Variants in TAFA1 observed in about 807,000 individuals in gnomAD.
TAFA1 encodes TAFA chemokine like family member 1.
Under a neutral mutation model 18.5 loss-of-function variants are expected in TAFA1, and 4 were observed. The ratio of observed to expected loss-of-function variants is 0.22; its 90% CI spans 0.11 to 0.49. TAFA1 has a LOEUF of 0.49. Among genes scored for constraint, TAFA1 ranks in the 20% least tolerant of loss-of-function variants. The pLI is 0.98. For synonymous variants in TAFA1, 56 were observed against 55.2 expected, an observed-to-expected ratio of 1.01 and a Z score of -0.06; for missense variants, 147 against 169.0, an observed-to-expected ratio of 0.87 and a Z score of 0.72.
intron 3 of TAFA1, among the ~76,000 whole-genome samples, chr3:68,526,939 C>G (rs1322116509): frequency 1.3e-5 from 2 of 152,066 alleles, no homozygotes; most frequent in Admixed American, 1.3e-4. Flanking sequence ...TTGCAAATTA[C>G]TATCCACTGT....
chr3:68,038,766 T>C (rs1160724484), intron 2 of TAFA1, among the ~76,000 whole-genome samples: 1 of 152,178 alleles, frequency 6.6e-6, no homozygotes, highest in Non-Finnish European at 1.5e-5. Context: ...CCTAGTTTCT[T>C]AGAGATGTTT....
intron 3 of TAFA1, among the ~76,000 whole-genome samples, chr3:68,501,261 T>C (rs1217381054): frequency 6.6e-6 from 1 of 152,020 alleles, no homozygotes; most frequent in Non-Finnish European, 1.5e-5. Context: ...CATCTTTTGC[T>C]GACTCTATTG....
intron 2 of TAFA1, among the ~76,000 whole-genome samples, chr3:68,295,628 A>G (rs1412140454): frequency 6.6e-6 from 1 of 152,082 alleles, no homozygotes; most frequent in Non-Finnish European, 1.5e-5. Flanking sequence ...CTTTTTTGAG[A>G]CAGGGTCTTT....
chr3:68,066,276 T>G (rs1046583870), intron 2 of TAFA1, among the ~76,000 whole-genome samples: 9 of 152,222 alleles, frequency 5.9e-5, no homozygotes, highest in Admixed American at 5.2e-4. Context: ...CTCTTTTTTT[T>G]GCCAACAAAG....
chr3:68,471,569 C>T (rs1284777114), intron 3 of TAFA1, among the ~76,000 whole-genome samples: 3 of 152,154 alleles, frequency 2.0e-5, no homozygotes, highest in African/African-American at 4.8e-5. Context: ...GGGCAAGAAG[C>T]ATCCAGCATG....
chr3:68,275,708 G>A (rs2067782913), intron 2 of TAFA1, among the ~76,000 whole-genome samples: 2 of 152,086 alleles, frequency 1.3e-5, no homozygotes, highest in South Asian at 4.1e-4. Flanking sequence ...GTGGAGAAGA[G>A]ATCTGAAGAA....
intron 2 of TAFA1, among the ~76,000 whole-genome samples, chr3:68,298,150 C>G (rs2068243471): frequency 6.6e-6 from 1 of 152,298 alleles, no homozygotes; most frequent in East Asian, 1.9e-4. Context: ...AGCCTGTGCC[C>G]TCAGTCCCTG....
chr3:68,044,985 A>G (rs1237709985), intron 2 of TAFA1, among the ~76,000 whole-genome samples: 1 of 152,186 alleles, frequency 6.6e-6, no homozygotes, highest in Non-Finnish European at 1.5e-5. Flanking sequence ...CTTAAATAGT[A>G]GCATTTTCTT....
chr3:68,032,998 A>G (rs1362014368), intron 2 of TAFA1, among the ~76,000 whole-genome samples: 2 of 152,160 alleles, frequency 1.3e-5, no homozygotes, highest in Non-Finnish European at 2.9e-5. Context: ...ATTTCCCCCA[A>G]AATTAAGTCA....
At chr3:68,321,752 C>A (rs911067517) in intron 2 of TAFA1, among the ~76,000 whole-genome samples, 7 of 152,140 alleles carry the variant, frequency 4.6e-5, no homozygotes, top group African/African-American at 1.7e-4. Flanking sequence ...GTTTTATTAG[C>A]TCTGTCAGCC....
At chr3:67,998,384 A>G in the TAFA1 span, among the ~76,000 whole-genome samples, 2 of 152,108 alleles carry the variant, frequency 1.3e-5, no homozygotes, top group Non-Finnish European at 1.5e-5. Flanking sequence ...TTATTATCCT[A>G]ATTCTCCTTT....
intron 3 of TAFA1, among the ~76,000 whole-genome samples, chr3:68,448,842 G>A (rs1245299550): frequency 4.6e-5 from 7 of 152,138 alleles, no homozygotes; most frequent in Non-Finnish European, 8.8e-5. Context: ...TTAGACTGAT[G>A]TAGAGAAGAA....
intron 2 of TAFA1, among the ~76,000 whole-genome samples, chr3:68,299,077 G>A (rs1313377596): frequency 6.6e-6 from 1 of 152,162 alleles, no homozygotes; most frequent in Non-Finnish European, 1.5e-5. Flanking sequence ...AGTGATATAA[G>A]CAATGAAGTC....
At chr3:68,117,314 T>C (rs567821783) in intron 2 of TAFA1, among the ~76,000 whole-genome samples, 10 of 152,294 alleles carry the variant, frequency 6.6e-5, no homozygotes, top group Non-Finnish European at 1.5e-4. Context: ...AATTACATAC[T>C]ATGAGATTTT....
chr3:68,441,201 T>C (rs2071372250), intron 3 of TAFA1, among the ~76,000 whole-genome samples: 1 of 152,150 alleles, frequency 6.6e-6, no homozygotes, highest in African/African-American at 2.4e-5. Flanking sequence ...CCTGAAAGAC[T>C]GCCGGTTTTG....
At chr3:68,120,556 A>G (rs566146024) in intron 2 of TAFA1, among the ~76,000 whole-genome samples, 97 of 152,220 alleles carry the variant, frequency 6.4e-4, no homozygotes, top group African/African-American at 2.2e-3. Flanking sequence ...GCCAACCTCT[A>G]TATTTCTATG....
chr3:68,484,828 G>A (rs1194283524), intron 3 of TAFA1, among the ~76,000 whole-genome samples: 3 of 152,138 alleles, frequency 2.0e-5, no homozygotes, highest in African/African-American at 7.2e-5. Flanking sequence ...TAAAGAGATT[G>A]ATTTCACTTT....
At chr3:68,237,512 A>G (rs2066942754) in intron 2 of TAFA1, among the ~76,000 whole-genome samples, 1 of 152,204 alleles carries the variant, frequency 6.6e-6, no homozygotes, top group Admixed American at 6.5e-5. Context: ...CGCACACATC[A>G]GGTACAAATG....
intron 2 of TAFA1, among the ~76,000 whole-genome samples, chr3:68,133,903 T>G (rs2106887332): frequency 6.6e-6 from 1 of 152,086 alleles, no homozygotes; most frequent in South Asian, 2.1e-4. Flanking sequence ...TAAATAAAGA[T>G]ACAATTAATT....
Sources: allele counts gnomAD v4.1 joint callset (sites outside exome capture counted in the v4.1 genomes callset), GRCh38; gene constraint gnomAD v4.1.1; transcripts MANE v1.5; gene names NCBI Gene and HGNC (gene_info 2026-07-23, HGNC 2026-07-21).